The following DPP3 variants were observed in gnomAD, a reference collection of about 807,000 sequenced individuals.
DPP3 encodes dipeptidyl peptidase 3, also known as DPP III.
DPP3 carries 64 observed loss-of-function variants against 89.8 expected under a neutral mutation model. The ratio of observed to expected loss-of-function variants is 0.71; its 90% CI spans 0.58 to 0.88. The LOEUF is 0.88. Among genes scored for constraint, DPP3 ranks in the 40% least tolerant of loss-of-function variants. The probability of loss-of-function intolerance (pLI) is 0.00; values close to 1 mark genes in which losing one functional copy is unlikely to be tolerated. For missense variants in DPP3, 835 were observed against 972.5 expected (o/e 0.86, Z 1.88); for synonymous variants, 377 against 404.3 (o/e 0.93, Z 0.81).
At chr11:66,495,601 A>G (rs1565272406) in intron 14 of DPP3, 29 bp from the exon 15 acceptor site, 1 of 1,614,076 alleles carries the variant, frequency 6.2e-7, no homozygotes. Flanking sequence ...GCCTCTGACC[A>G]TCCTGCCACC....
chr11:66,485,912 A>ATTTTTTC (rs374136044), intron 3 of DPP3, among the ~76,000 whole-genome samples: 16 of 144,358 alleles, frequency 1.1e-4, no homozygotes, highest in Non-Finnish European at 2.4e-4. Flanking sequence ...CACCAGCTAA[A>ATTTTTTC]TTTTCTTTTC....
intron 17 of DPP3, 89 bp downstream of exon 17, chr11:66,504,863 C>A: frequency 7.3e-7 from 1 of 1,379,032 alleles, no homozygotes; most frequent in Admixed American, 2.5e-5. Flanking sequence ...TCCCAGGGCT[C>A]AATAAGAACC....
intron 17 of DPP3, among the ~76,000 whole-genome samples, chr11:66,508,234 T>TC (rs1467219809): frequency 1.3e-5 from 2 of 152,134 alleles, no homozygotes; most frequent in African/African-American, 2.4e-5. Flanking sequence ...GGGCAGTGCT[T>TC]CCCGGGGGTA....
At chr11:66,487,793 C>T (rs1048140373) in intron 5 of DPP3, 121 bp from the exon 6 acceptor site, 21 of 859,466 alleles carry the variant, frequency 2.4e-5, no homozygotes, top group Non-Finnish European at 3.1e-5. Flanking sequence ...CCCAGCCAAC[C>T]CAGAAGGCCC....
At chr11:66,508,708 A>G (rs1362178569) in intron 17 of DPP3, among the ~76,000 whole-genome samples, 2 of 152,032 alleles carry the variant, frequency 1.3e-5, no homozygotes, top group Non-Finnish European at 2.9e-5. Context: ...TATGTTTAGT[A>G]TAAACAGTGT....
intron 12 of DPP3, 146 bp from the exon 13 acceptor site, chr11:66,495,060 A>T: frequency 9.1e-7 from 1 of 1,101,948 alleles, no homozygotes; most frequent in Non-Finnish European, 1.3e-6. Flanking sequence ...TGCAGGCGTC[A>T]GTGTGTGGAC....
chr11:66,481,710 C>T (rs190599746), intron 1 of DPP3, among the ~76,000 whole-genome samples: 18 of 151,464 alleles, frequency 1.2e-4, no homozygotes, highest in East Asian at 7.9e-4. Context: ...TGCAATGGTG[C>T]GGTCTCAGCT....
chr11:66,499,462 C>T (rs1471071449), intron 16 of DPP3, among the ~76,000 whole-genome samples: 1 of 151,900 alleles, frequency 6.6e-6, no homozygotes, highest in African/African-American at 2.4e-5. Context: ...CAGTTAGCCA[C>T]AGTAAAATAC....
intron 10 of DPP3, 50 bp from the exon 11 acceptor site, chr11:66,493,017 T>C (rs2071486948): frequency 6.2e-7 from 1 of 1,611,556 alleles, no homozygotes. Context: ...CTCTTGTCTG[T>C]TACCTTTGAC....
At position 66,509,306 on chromosome 11, in the gene DPP3, T is replaced by C; in HGVS notation, c.*55T>C. 6.4e-7 allele frequency: 1 copy of C among 1,559,568 alleles called. No individual in the cohort carries two copies. Among genetic ancestry groups the C allele is most frequent in the Non-Finnish European group, 8.7e-7 (1 of 1,151,090 alleles). ...ATCAGACCAAGGCTGCAAGTGGCCCTCCATTCGTGTGTGTATTTAGGGGCT... is the reference window on the plus strand; with the variant it reads ...ATCAGACCAAGGCTGCAAGTGGCCCCCCATTCGTGTGTGTATTTAGGGGCT... On this transcript the variant is annotated 3_prime_UTR_variant, in exon 18 of 18. Transcript: ENST00000531863.
chr11:66,487,515 G>A (rs76541579), intron 5 of DPP3, among the ~76,000 whole-genome samples, 173 bp downstream of exon 5: 6,120 of 152,168 alleles, frequency 0.04, 396 homozygotes, highest in East Asian at 0.13. Context: ...CTCAGGGCAG[G>A]GCGAGGAACC....
intron 5 of DPP3, among the ~76,000 whole-genome samples, chr11:66,487,580 C>T (rs566247130): frequency 4.6e-5 from 7 of 152,296 alleles, no homozygotes; most frequent in African/African-American, 1.7e-4. Flanking sequence ...CAGTGGTGCT[C>T]CCAGCTCAGC....
In DPP3 at chr11:66,482,431, A is replaced by G. The variant is rs1855114357; in HGVS notation, c.231A>G (p.Gln77=). 1 of 1,608,592 alleles carries G rather than the reference A, an allele frequency of 6.2e-7. No individual in the cohort carries two copies. Residue 77 remains glutamine, a synonymous_variant, in exon 2 of 18, where the codon CAA becomes CAG. Coordinates refer to ENST00000531863, the MANE Select transcript of DPP3 (RefSeq NM_130443.4). ...CCCAGGACCCCGACCAGCTGCGCCA[A>G]CATGCCCTGGCTGAAGGCCTTACCG... The part of the protein sequence containing the change: ...FRAQDPDQLR[Q]HALAEGLTEE...
At chr11:66,495,794 A>C in intron 15 of DPP3, 44 bp downstream of exon 15, 1 of 1,564,300 alleles carries the variant, frequency 6.4e-7, no homozygotes, top group South Asian at 1.2e-5. Flanking sequence ...GGGAGCCTGC[A>C]GTGGGTGCCA....
chr11:66,499,364 A>C (rs80248990), intron 16 of DPP3, among the ~76,000 whole-genome samples: 2 of 133,530 alleles, frequency 1.5e-5, no homozygotes, highest in Non-Finnish European at 3.2e-5. Flanking sequence ...ACTCCGCCTC[A>C]AAAAAAAAAA....
intron 11 of DPP3, 101 bp from the exon 12 acceptor site, chr11:66,493,440 C>T (rs952923051): frequency 1.6e-6 from 2 of 1,245,272 alleles, no homozygotes; most frequent in Non-Finnish European, 2.3e-6. Flanking sequence ...TTACCAAGCA[C>T]ATGCACTGAG....
At chr11:66,499,557 G>A (rs1261603273) in intron 16 of DPP3, among the ~76,000 whole-genome samples, 1 of 151,544 alleles carries the variant, frequency 6.6e-6, no homozygotes, top group Non-Finnish European at 1.5e-5. Flanking sequence ...ATCACCTGAG[G>A]TCACGAGTTC....
At chr11:66,495,083 CCCG>C in intron 12 of DPP3, 120 bp from the exon 13 acceptor site, 1 of 1,403,044 alleles carries the variant, frequency 7.1e-7, no homozygotes, top group Non-Finnish European at 1.0e-6. Flanking sequence ...ACCTGCTGCT[CCCG>C]CCGCCCGCTC....
intron 4 of DPP3, among the ~76,000 whole-genome samples, chr11:66,487,048 T>A (rs1041528786): frequency 6.6e-6 from 1 of 152,048 alleles, no homozygotes; most frequent in Admixed American, 6.5e-5. Context: ...TGGCAAGCCT[T>A]AGGGGTGGGC....
Sources: allele counts gnomAD v4.1 joint callset (sites outside exome capture counted in the v4.1 genomes callset), GRCh38; gene constraint gnomAD v4.1.1; transcripts MANE v1.5; gene names NCBI Gene and HGNC (gene_info 2026-07-23, HGNC 2026-07-21).